PPP1R12A: variants seen among roughly 807,000 people sequenced by gnomAD.
PPP1R12A encodes the protein myosin binding subunit.
Under a neutral mutation model 139.6 loss-of-function variants are expected in PPP1R12A, and 19 were observed. The ratio of observed to expected loss-of-function variants is 0.14; its 90% CI spans 0.09 to 0.20. The LOEUF (loss-of-function observed/expected upper bound fraction) is 0.20, where lower values mean the gene tolerates loss of function less well. Among genes scored for constraint, PPP1R12A ranks in the 10% least tolerant of loss-of-function variants. The probability of loss-of-function intolerance (pLI) is 1.00; values close to 1 mark genes in which losing one functional copy is unlikely to be tolerated. For synonymous variants in PPP1R12A, 427 were observed against 420.6 expected (o/e 1.02, Z -0.19); for missense variants, 925 against 1,211.5 (o/e 0.76, Z 3.51).
At chr12:79,899,662 T>G (rs1885455021) in intron 1 of PPP1R12A, among the ~76,000 whole-genome samples, 1 of 152,184 alleles carries the variant, frequency 6.6e-6, no homozygotes, top group African/African-American at 2.4e-5. Flanking sequence ...TTCTAGTTTT[T>G]GACTACTAAG....
rs746777377 is a variant in PPP1R12A, at chr12:79,912,689, A to AT, written c.237+22005dup. ...AGCCTGGGTGACAGAGGAAAGCCTG[A>AT]TTTAAAAAAAAAAAAAAAAGAAGAA... On this transcript the variant is annotated intron_variant, in intron 1 of 24. Coordinates refer to ENST00000450142, the MANE Select transcript of PPP1R12A (RefSeq NM_002480.3). Among the ~76,000 whole-genome samples, 480 of 150,346 alleles carry AT rather than the reference A, an allele frequency of 3.2e-3. 2 individuals carry two copies. Among genetic ancestry groups the AT allele is most frequent in the African/African-American group, 0.011 (461 of 40,936 alleles).
intron 20 of PPP1R12A, among the ~76,000 whole-genome samples, chr12:79,790,114 G>A (rs1333470053): frequency 6.6e-6 from 1 of 152,008 alleles, no homozygotes; most frequent in African/African-American, 2.4e-5. Flanking sequence ...GTTCTCTTTT[G>A]TCTAAAGCAG....
intron 2 of PPP1R12A, among the ~76,000 whole-genome samples, chr12:79,868,453 C>T (rs1336274473): frequency 6.6e-6 from 1 of 152,156 alleles, no homozygotes; most frequent in Non-Finnish European, 1.5e-5. Flanking sequence ...TAAAATGCCA[C>T]ACACTGGGTG....
At chr12:79,878,187 A>C (rs543376112) in intron 1 of PPP1R12A, 1 of 150,234 alleles carries the variant, frequency 6.7e-6, no homozygotes, top group Admixed American at 6.6e-5. Context: ...TACCAATGTA[A>C]ATTATACCTC....
chr12:79,858,606 T>C (rs951926370), intron 2 of PPP1R12A, among the ~76,000 whole-genome samples: 1 of 152,202 alleles, frequency 6.6e-6, no homozygotes, highest in African/African-American at 2.4e-5. Flanking sequence ...TCCTATACTA[T>C]AATATTTCTT....
Position 79,798,477 on chromosome 12 carries a change from AATTAC to A in PPP1R12A, c.2091+12_2091+16del, listed in dbSNP as rs1316011446. 1 of 1,459,130 alleles carries A rather than the reference AATTAC, an allele frequency of 6.9e-7. No homozygotes were observed. Among genetic ancestry groups the A allele is most frequent in the Non-Finnish European group, 9.3e-7 (1 of 1,071,950 alleles). The allele number at this position is 1,459,130 out of a possible 1,614,324, so 90.4% of individuals were successfully genotyped here. On this transcript the variant is annotated intron_variant, in intron 15 of 24. Coordinates refer to ENST00000450142, the MANE Select transcript of PPP1R12A (RefSeq NM_002480.3). Reference sequence around the variant, plus strand: ...GCTACTTATGTAAGTTTTATATATTAATTACATTAACTATACCTGTGTTGATCTTC... The same window carrying A: ...GCTACTTATGTAAGTTTTATATATTAATTAACTATACCTGTGTTGATCTTC...
chr12:79,877,115 T>C (rs114293669), intron 1 of PPP1R12A, among the ~76,000 whole-genome samples: 2,890 of 152,280 alleles, frequency 0.019, 95 homozygotes, highest in African/African-American at 0.066. Flanking sequence ...AGTAATTTAA[T>C]CTTTTTGGAC....
chr12:79,808,444 T>C, intron 11 of PPP1R12A, 39 bp downstream of exon 11: 1 of 1,354,138 alleles, frequency 7.4e-7, no homozygotes, highest in Non-Finnish European at 1.1e-6. Flanking sequence ...TAATAAAGAT[T>C]TTATAGTGAA....
intron 1 of PPP1R12A, among the ~76,000 whole-genome samples, chr12:79,901,721 T>C (rs1473557365): frequency 6.6e-6 from 1 of 152,198 alleles, no homozygotes; most frequent in Non-Finnish European, 1.5e-5. Flanking sequence ...GAACTCACTA[T>C]GTGCCAGGCA....
At chr12:79,806,838 C>T (rs555810367) in intron 12 of PPP1R12A, 1 of 164,840 alleles carries the variant, frequency 6.1e-6, no homozygotes, top group South Asian at 1.7e-4. Flanking sequence ...ATACTACCAA[C>T]ATTCCAACTG....
At chr12:79,883,240 G>A (rs909630061) in intron 1 of PPP1R12A, among the ~76,000 whole-genome samples, 1 of 151,818 alleles carries the variant, frequency 6.6e-6, no homozygotes, top group Non-Finnish European at 1.5e-5. Context: ...TAGCAATAAA[G>A]CATTTTTAAA....
rs1021339540 is a variant in PPP1R12A at position 79,935,045 on chromosome 12, G to C, written c.-114C>G. 1.3e-5 allele frequency: 18 copies of C among 1,413,350 alleles called. No homozygotes were observed. Among genetic ancestry groups the C allele is most frequent in the African/African-American group, 2.9e-5 (2 of 68,816 alleles). 87.6% of individuals were successfully genotyped at this position (1,413,350 alleles called of 1,614,324 possible). On this transcript the variant is annotated 5_prime_UTR_variant, in exon 1 of 25. Coordinates refer to ENST00000450142, the MANE Select transcript of PPP1R12A (RefSeq NM_002480.3). ...GTTTCTATGAGTGCGGGCCAGAGGA[G>C]GGCTGGGAACCCGGAGCCGACGCTC... is the stretch of plus-strand genomic sequence containing the variant.
intron 2 of PPP1R12A, among the ~76,000 whole-genome samples, chr12:79,863,945 A>T (rs549198165): frequency 9.4e-4 from 143 of 152,334 alleles, no homozygotes; most frequent in African/African-American, 3.3e-3. Context: ...CAGAAAATTA[A>T]CAAGGATATC....
chr12:79,871,991 C>T (rs762810923), intron 2 of PPP1R12A, among the ~76,000 whole-genome samples: 11 of 152,028 alleles, frequency 7.2e-5, no homozygotes, highest in Admixed American at 1.3e-4. Context: ...GTTCCCAGGC[C>T]GGAGCACTTT....
Position 79,783,193 on chromosome 12 carries a change from T to C in PPP1R12A, c.2908-1331A>G, listed in dbSNP as rs143826186. On this transcript the variant is annotated intron_variant, in intron 22 of 24. Coordinates refer to ENST00000450142, the MANE Select transcript of PPP1R12A (RefSeq NM_002480.3). ...AAATATGAGGCTGGGTGTAGTGGCT[T>C]ACACCTGTAATTCTAACACTTTGTG... is the stretch of plus-strand genomic sequence containing the variant. Among the ~76,000 whole-genome samples, 788 of 150,742 alleles carry C rather than the reference T, an allele frequency of 5.2e-3. 5 individuals carry two copies. The highest frequency in any genetic ancestry group is 0.018 in the African/African-American group (748 of 41,012).
At chr12:79,927,043 AT>A (rs1887901150) in intron 1 of PPP1R12A, among the ~76,000 whole-genome samples, 1 of 141,512 alleles carries the variant, frequency 7.1e-6, no homozygotes, top group African/African-American at 2.6e-5. Context: ...AAAAAAAAAA[AT>A]TAGCTGGAAG....
chr12:79,809,833 T>C lies in PPP1R12A; in HGVS notation c.1417A>G (p.Ser473Gly). 1.2e-6 allele frequency: 2 copies of C among 1,613,510 alleles called. No homozygotes were observed. Among genetic ancestry groups the C allele is most frequent in the Non-Finnish European group, 1.7e-6 (2 of 1,179,636 alleles). Residue 473 changes from serine (S) to glycine (G), a missense_variant, in exon 10 of 25, where the codon AGT becomes GGT. Around this residue, in one of 4 missense-constraint regions of PPP1R12A, gnomAD observed 403 missense variants for 463.7 expected, o/e 0.87. Transcript: ENST00000450142. Reference protein sequence around the residue: ...DTAGVTRSASSPRLSSSLDNK... With the variant: ...DTAGVTRSASGPRLSSSLDNK... ...TCCAAAGAGGAGGAAAGTCTGGGAC[T>C]TGAAGCTGAACGTGTAACACCTGCA... is the stretch of plus-strand genomic sequence containing the variant.
chr12:79,866,516 A>G (rs1350745348), intron 2 of PPP1R12A, among the ~76,000 whole-genome samples: 4 of 152,258 alleles, frequency 2.6e-5, no homozygotes, highest in Non-Finnish European at 4.4e-5. Flanking sequence ...AAAAGAAACT[A>G]TCATCAGAGT....
In PPP1R12A at chr12:79,835,682, A is replaced by G. The variant is rs538197937; in HGVS notation, c.488-3191T>C. On this transcript the variant is annotated intron_variant, in intron 3 of 24. Transcript: ENST00000450142. Reference sequence around the variant, plus strand: ...TCATTGCTTTATATAAAATTTGTCAATGGCTGCTTCTGTAAGACAAAGCTC... The same window carrying G: ...TCATTGCTTTATATAAAATTTGTCAGTGGCTGCTTCTGTAAGACAAAGCTC... Among the ~76,000 whole-genome samples, 7 of 152,338 alleles carry G rather than the reference A, an allele frequency of 4.6e-5. No individual in the cohort carries two copies. The East Asian group carries it at 7.7e-4, about 17-fold the overall frequency.
Sources: gnomAD v4.1 joint callset for allele counts (sites outside exome capture counted in the v4.1 genomes callset) on GRCh38, gnomAD v4.1.1 for gene constraint, gnomAD v4.1.1 regional missense constraint, MANE v1.5 for transcripts, NCBI Gene and HGNC (gene_info 2026-07-23, HGNC 2026-07-21) for gene names.